WDFY3: variants seen among roughly 807,000 people sequenced by gnomAD.
WDFY3 encodes WD repeat and FYVE domain containing 3, also known as WD repeat and FYVE domain-containing protein 3.
A neutral mutation model predicts 409.6 loss-of-function variants in WDFY3; 66 were observed. That is an observed-to-expected ratio of 0.16 (90% CI 0.13 to 0.20). The LOEUF is 0.20. Among genes scored for constraint, WDFY3 ranks in the 10% least tolerant of loss-of-function variants. The pLI is 1.00. For missense variants in WDFY3, 3,031 were observed against 4,298.1 expected, an observed-to-expected ratio of 0.71 and a Z score of 8.24; for synonymous variants, 1,521 against 1,537.1, an observed-to-expected ratio of 0.99 and a Z score of 0.25.
intron 3 of WDFY3, chr4:84,886,420 T>C (rs965952245): frequency 3.3e-5 from 5 of 152,172 alleles, no homozygotes; most frequent in Non-Finnish European, 5.9e-5. Context: ...TTGCATGTCA[T>C]CCTTGTGCAG....
Position 84,740,300 on chromosome 4 carries a change from A to G in WDFY3, c.6351T>C (p.Leu2117=), listed in dbSNP as rs1738179721. 6.2e-7 allele frequency: 1 copy of G among 1,613,988 alleles called. No homozygotes were observed. The highest frequency in any genetic ancestry group is 8.5e-7 in the Non-Finnish European group (1 of 1,180,028). Residue 2117 remains leucine (L), a synonymous_variant, in exon 39 of 68, where the codon CTT becomes CTC. Coordinates refer to ENST00000295888, the MANE Select transcript of WDFY3 (RefSeq NM_014991.6). ...HKTVPQQVAL[L]DSLRVLTVNR... ...TTACAGTGAGGACCCTGAGTGAATCAAGCAGAGCTACTTGCTGAGGAACGG... is the reference window on the plus strand; with the variant it reads ...TTACAGTGAGGACCCTGAGTGAATCGAGCAGAGCTACTTGCTGAGGAACGG...
At chr4:84,814,438 T>C (rs1752974126) in intron 13 of WDFY3, among the ~76,000 whole-genome samples, 1 of 152,142 alleles carries the variant, frequency 6.6e-6, no homozygotes, top group Non-Finnish European at 1.5e-5. Context: ...TTACCTGTGC[T>C]CAAACTTGGC....
chr4:84,709,556 T>A (rs930564072), intron 51 of WDFY3, among the ~76,000 whole-genome samples: 10 of 152,184 alleles, frequency 6.6e-5, no homozygotes, highest in African/African-American at 2.4e-4. Context: ...ACAGAGGACA[T>A]CAGAAGGCAT....
chr4:84,687,967 T>C (rs915345279), intron 62 of WDFY3, 119 bp downstream of exon 62: 2 of 1,080,256 alleles, frequency 1.9e-6, no homozygotes, highest in South Asian at 1.5e-5. Context: ...CTAATCCTCC[T>C]GCGGTAGCCT....
At chr4:84,937,465 C>A (rs1281160424) in intron 1 of WDFY3, among the ~76,000 whole-genome samples, 1 of 152,150 alleles carries the variant, frequency 6.6e-6, no homozygotes, top group Non-Finnish European at 1.5e-5. Context: ...TACTGAGAAT[C>A]TGACCACTTC....
intron 10 of WDFY3, among the ~76,000 whole-genome samples, chr4:84,824,751 C>T (rs1299732755): frequency 2.0e-5 from 3 of 152,086 alleles, no homozygotes; most frequent in Admixed American, 1.3e-4. Flanking sequence ...CAATTTACAC[C>T]TCAATACTGC....
intron 14 of WDFY3, chr4:84,809,206 AC>A (rs1451528874): frequency 1.3e-5 from 2 of 152,200 alleles, no homozygotes; most frequent in Admixed American, 6.5e-5. Context: ...CTGCCTGAGA[AC>A]CCTGGATTCC....
chr4:84,826,857 A>G lies in WDFY3; in HGVS notation c.1081T>C (p.Phe361Leu). The G allele has an allele frequency of 6.2e-7, 1 of 1,609,376 alleles. No individual in the cohort carries two copies. The highest frequency in any genetic ancestry group is 1.1e-5 in the South Asian group (1 of 90,072). The change falls in exon 10 of 68, where the codon TTT (phenylalanine) becomes CTT (leucine). Residue 361 changes from phenylalanine to leucine, a missense_variant. This residue lies in a region of WDFY3 where 1,322 missense variants were observed against 1,697.9 expected (regional missense o/e 0.78). Coordinates refer to ENST00000295888, the MANE Select transcript of WDFY3 (RefSeq NM_014991.6). ...KPAGITTGAPFLLPGFAVPQP... is the reference protein window; with the variant it reads ...KPAGITTGAPLLLPGFAVPQP... The stretch of plus-strand genomic sequence containing the variant: ...GGTACTGCAAATCCAGGCAATAAAA[A>G]GGGTGCCCCTGTGGTAATACCAGCT...
chr4:84,831,614 TAAAAC>T lies in WDFY3; in HGVS notation c.577-14_577-10del, dbSNP rs757302287. The T allele has an allele frequency of 8.5e-5, 135 of 1,593,378 alleles. No individual in the cohort carries two copies. Among genetic ancestry groups the T allele is most frequent in the African/African-American group, 1.6e-4 (12 of 74,132 alleles). On this transcript the variant is annotated splice_polypyrimidine_tract_variant and intron_variant, in intron 7 of 67. Transcript: ENST00000295888. ...CACAGTTTCACTAAGATCTAAAAAA[TAAAAC>T]AAAACAAAACAAGAGTGTATAAGCA... is the stretch of plus-strand genomic sequence containing the variant.
intron 64 of WDFY3, 95 bp from the exon 65 acceptor site, chr4:84,679,337 CT>C (rs1439957032): frequency 8.2e-7 from 1 of 1,213,118 alleles, no homozygotes; most frequent in Non-Finnish European, 1.1e-6. Context: ...AGTTATAAGC[CT>C]CTATAGACAT....
rs116654115 is a variant in WDFY3, at chr4:84,673,196, T to C, written c.10458-205A>G. ...AAAAGCAGTATTAAACCAGGGAAGCTATTTCTTTGACTGACAAGAATTAAA... is the reference window on the plus strand; with the variant it reads ...AAAAGCAGTATTAAACCAGGGAAGCCATTTCTTTGACTGACAAGAATTAAA... On this transcript the variant is annotated intron_variant, in intron 67 of 67. Coordinates refer to ENST00000295888, the MANE Select transcript of WDFY3 (RefSeq NM_014991.6). Among the ~76,000 whole-genome samples, 1,000 of 152,290 alleles carry C rather than the reference T, an allele frequency of 6.6e-3. 7 individuals carry two copies. The highest frequency in any genetic ancestry group is 0.01 in the Non-Finnish European group (711 of 68,032).
chr4:84,946,720 C>T (rs1772875820), intron 1 of WDFY3, among the ~76,000 whole-genome samples: 1 of 152,170 alleles, frequency 6.6e-6, no homozygotes, highest in African/African-American at 2.4e-5. Context: ...AGGTATATTC[C>T]TAGCGCGCTA....
chr4:84,737,424 A>G (rs1737639363), intron 40 of WDFY3, 58 bp from the exon 41 acceptor site: 2 of 1,475,526 alleles, frequency 1.4e-6, no homozygotes, highest in Admixed American at 2.5e-5. Context: ...AACACAGTAT[A>G]AAGTTAGTTT....
chr4:84,741,028 T>C (rs1483392617), intron 38 of WDFY3, among the ~76,000 whole-genome samples: 1 of 152,190 alleles, frequency 6.6e-6, no homozygotes, highest in African/African-American at 2.4e-5. Flanking sequence ...TTAAAAGTAC[T>C]GTGAACATGC....
intron 13 of WDFY3, among the ~76,000 whole-genome samples, chr4:84,815,469 C>T (rs1346911848): frequency 6.6e-6 from 1 of 152,028 alleles, no homozygotes; most frequent in East Asian, 1.9e-4. Context: ...TTTCCAAATC[C>T]CAATAATATC....
At chr4:84,863,317 C>T (rs1374146316) in intron 3 of WDFY3, among the ~76,000 whole-genome samples, 1 of 152,142 alleles carries the variant, frequency 6.6e-6, no homozygotes, top group East Asian at 1.9e-4. Flanking sequence ...TCTAAGGTGG[C>T]TATACCAATT....
At chr4:84,742,487 T>G (rs1423167489) in intron 37 of WDFY3, among the ~76,000 whole-genome samples, 2 of 152,112 alleles carry the variant, frequency 1.3e-5, no homozygotes, top group East Asian at 3.9e-4. Flanking sequence ...CATATACATA[T>G]TGCTTTCAGA....
chr4:84,849,687 G>C (rs943738978), intron 5 of WDFY3: 9 of 455,356 alleles, frequency 2.0e-5, no homozygotes, highest in African/African-American at 1.9e-4. Context: ...GGAAGTGGTA[G>C]TGGTCCAGGC....
At chr4:84,793,686 A>G (rs987685680) in intron 21 of WDFY3, among the ~76,000 whole-genome samples, 1 of 152,232 alleles carries the variant, frequency 6.6e-6, no homozygotes, top group Non-Finnish European at 1.5e-5. Flanking sequence ...ACTACATGCT[A>G]CTAAAGGGGC....
Sources: gnomAD v4.1 joint callset for allele counts (sites outside exome capture counted in the v4.1 genomes callset) on GRCh38, gnomAD v4.1.1 for gene constraint, gnomAD v4.1.1 regional missense constraint, MANE v1.5 for transcripts, NCBI Gene and HGNC (gene_info 2026-07-23, HGNC 2026-07-21) for gene names.